The following ZNF777 variants were observed in gnomAD, a reference collection of about 807,000 sequenced individuals.
The protein encoded by ZNF777 is zinc finger protein 777.
Under a neutral mutation model 72.1 loss-of-function variants are expected in ZNF777, and 7 were observed. That is an observed-to-expected ratio of 0.10 (90% CI 0.06 to 0.18). The LOEUF is 0.18. ZNF777 is among the 10% of genes least tolerant of loss of function. The probability of loss-of-function intolerance (pLI) is 1.00; values close to 1 mark genes in which losing one functional copy is unlikely to be tolerated. For synonymous variants in ZNF777, 545 were observed against 483.5 expected (o/e 1.13, Z -1.67); for missense variants, 828 against 1,128.6 (o/e 0.73, Z 3.82).
intron 4 of ZNF777, among the ~76,000 whole-genome samples, chr7:149,447,961 C>T (rs1206555867): frequency 6.6e-6 from 1 of 152,134 alleles, no homozygotes; most frequent in African/African-American, 2.4e-5. Context: ...ACAGTACCTG[C>T]TACCAAAGAG....
chr7:149,446,196 G>A (rs1585696149), intron 4 of ZNF777, among the ~76,000 whole-genome samples: 2 of 152,184 alleles, frequency 1.3e-5, no homozygotes, highest in East Asian at 3.9e-4. Context: ...TGACCAACAT[G>A]GATAAACCCC....
Position 149,431,457 on chromosome 7 carries a change from G to T in ZNF777, c.*319C>A, listed in dbSNP as rs368335922. The T allele has an allele frequency of 9.0e-6, 4 of 443,614 alleles. No homozygotes were observed. The highest frequency in any genetic ancestry group is 1.8e-5 in the Non-Finnish European group (4 of 221,482). 27.5% of individuals were successfully genotyped at this position (443,614 alleles called of 1,614,324 possible). On this transcript the variant is annotated 3_prime_UTR_variant, in exon 6 of 6. Coordinates refer to ENST00000247930, the MANE Select transcript of ZNF777 (RefSeq NM_015694.3). ...TCCCCAACTAGATGGGCCCTACACC[G>T]CCCCTCTGAGTGGCCGGCGGCCAAA...
intron 4 of ZNF777, among the ~76,000 whole-genome samples, chr7:149,447,158 G>C (rs773317043): frequency 5.9e-5 from 9 of 152,102 alleles, no homozygotes; most frequent in African/African-American, 1.9e-4. Context: ...GCCCCATCAT[G>C]AACAACATAT....
chr7:149,459,196 G>A (rs1368827042), intron 1 of ZNF777, among the ~76,000 whole-genome samples: 1 of 152,118 alleles, frequency 6.6e-6, no homozygotes, highest in African/African-American at 2.4e-5. Context: ...CCTCCTTCCT[G>A]TGTACACAAT....
intron 5 of ZNF777, among the ~76,000 whole-genome samples, 194 bp from the exon 6 acceptor site, chr7:149,433,126 G>A (rs922404584): frequency 2.6e-5 from 4 of 152,236 alleles, no homozygotes; most frequent in African/African-American, 9.6e-5. Flanking sequence ...GCGTAACCCA[G>A]ACTGGCCTTG....
chr7:149,440,563 G>C (rs1412931880), intron 4 of ZNF777, among the ~76,000 whole-genome samples: 1 of 151,300 alleles, frequency 6.6e-6, no homozygotes, highest in African/African-American at 2.4e-5. Flanking sequence ...TCCCTATGTT[G>C]CCCAGGTTGG....
In ZNF777 at chr7:149,460,544, C is replaced by CT. The variant is rs1799929721; in HGVS notation, c.-16+270dup. ...GAGCTGCGCTGCCGTCCCGGCGCCT[C>CT]TTTAGCAGGGGAGCTGCACAGCAGC... On this transcript the variant is annotated intron_variant, in intron 1 of 5. Coordinates refer to ENST00000247930, the MANE Select transcript of ZNF777 (RefSeq NM_015694.3). This position sits in a 1 kb window ranked among gnomAD's most constrained non-coding sequence, Gnocchi z 6.1. Among the ~76,000 whole-genome samples, 1 of 151,694 alleles carries CT rather than the reference C, an allele frequency of 6.6e-6. No homozygotes were observed. Among genetic ancestry groups the CT allele is most frequent in the Non-Finnish European group, 1.5e-5 (1 of 67,924 alleles).
chr7:149,454,568 T>C (rs1799783981), intron 2 of ZNF777, among the ~76,000 whole-genome samples: 1 of 152,136 alleles, frequency 6.6e-6, no homozygotes, highest in South Asian at 2.1e-4. Context: ...ACAGTAACAT[T>C]TGAGACATAC....
At chr7:149,443,477 T>C (rs1446956298) in intron 4 of ZNF777, among the ~76,000 whole-genome samples, 2 of 152,222 alleles carry the variant, frequency 1.3e-5, no homozygotes, top group African/African-American at 4.8e-5. Context: ...TATTGCCACA[T>C]TAACTCTCTC....
chr7:149,440,036 G>A (rs556260882), intron 4 of ZNF777, among the ~76,000 whole-genome samples: 9 of 152,212 alleles, frequency 5.9e-5, no homozygotes, highest in African/African-American at 1.7e-4. Flanking sequence ...ATGTAGATGG[G>A]CTGGAAGAAG....
At chr7:149,449,947 G>A (rs1355553202) in intron 4 of ZNF777, among the ~76,000 whole-genome samples, 1 of 152,092 alleles carries the variant, frequency 6.6e-6, no homozygotes, top group Non-Finnish European at 1.5e-5. Flanking sequence ...AGTACATGGG[G>A]CCAACATTAC....
At chr7:149,446,624 C>A (rs576984468) in intron 4 of ZNF777, among the ~76,000 whole-genome samples, 1 of 152,238 alleles carries the variant, frequency 6.6e-6, no homozygotes, top group South Asian at 2.1e-4. Flanking sequence ...CCCACTTCTA[C>A]ATCCTTAATC....
Position 149,442,797 on chromosome 7 carries a change from A to G in ZNF777, c.1088-5971T>C, listed in dbSNP as rs139663257. 8.1e-3 allele frequency among the ~76,000 whole-genome samples: 1,239 copies of G among 152,372 alleles called. 69 individuals are homozygous for G. The highest frequency in any genetic ancestry group is 0.069 in the Admixed American group (1,051 of 15,312). On this transcript the variant is annotated intron_variant, in intron 4 of 5. Transcript: ENST00000247930. ...GAGTAGTAAGACATACTAGTAATCA[A>G]TAAAGGTATGAAAATATGCTCAACA...
At chr7:149,454,871 T>C (rs1274928677) in intron 2 of ZNF777, among the ~76,000 whole-genome samples, 1 of 152,200 alleles carries the variant, frequency 6.6e-6, no homozygotes, top group Non-Finnish European at 1.5e-5. Flanking sequence ...GCACCCTCAG[T>C]GACTGATGGT....
In ZNF777 at chr7:149,450,980, A is replaced by G; in HGVS notation, c.1087+19T>C. On this transcript the variant is annotated intron_variant, in intron 4 of 5. Coordinates refer to ENST00000247930, the MANE Select transcript of ZNF777 (RefSeq NM_015694.3). ...AAAGATCTAGAATGCAGAGCTGCAG[A>G]TCACCCTTAGCCACTCACCAGCACT... 1 of 1,603,374 alleles carries G rather than the reference A, an allele frequency of 6.2e-7. No homozygotes were observed. The highest frequency in any genetic ancestry group is 8.5e-7 in the Non-Finnish European group (1 of 1,171,356).
intron 4 of ZNF777, among the ~76,000 whole-genome samples, chr7:149,449,204 G>A (rs12538692): frequency 0.5 from 75,681 of 152,062 alleles, 19,285 homozygotes; most frequent in East Asian, 0.77. Context: ...GAGGGGCAGC[G>A]GTACCTATGT....
At chr7:149,450,854 C>G in intron 4 of ZNF777, 145 bp downstream of exon 4, 1 of 638,738 alleles carries the variant, frequency 1.6e-6, no homozygotes, top group East Asian at 2.9e-5. Context: ...CATGGCACTC[C>G]AAAGCAGGTC....
In ZNF777 at chr7:149,432,738, C is replaced by A. The variant is rs17852167; in HGVS notation, c.1534G>T (p.Ala512Ser). The change falls in exon 6 of 6, where the codon GCA becomes TCA. Residue 512 changes from alanine (A) to serine (S), a missense_variant. Physicochemically the swap from Ala to Ser is moderately conservative, Grantham distance 99 (BLOSUM62 1). Coordinates refer to ENST00000247930, the MANE Select transcript of ZNF777 (RefSeq NM_015694.3). Reference protein sequence around the residue: ...SPPPLQLGNPAVKRLAPSVHG... With the variant: ...SPPPLQLGNPSVKRLAPSVHG... ...ACGGAGGGCGCCAGCCTTTTCACTG[C>A]GGGGTTTCCTAGCTGCAGGGGCGGG... The A allele has an allele frequency of 1.0e-4, 168 of 1,611,640 alleles. 1 individual carries two copies. The African/African-American group carries it at 2.1e-3, about 20-fold the overall frequency.
chr7:149,458,683 G>A (rs1336395275), intron 1 of ZNF777, among the ~76,000 whole-genome samples: 1 of 152,166 alleles, frequency 6.6e-6, no homozygotes, highest in African/African-American at 2.4e-5. Context: ...GACTGTAGAG[G>A]GGCCACAGGA....
Sources: gnomAD v4.1 joint callset for allele counts (sites outside exome capture counted in the v4.1 genomes callset) on GRCh38, gnomAD v4.1.1 for gene constraint, Gnocchi (gnomAD v3.1) non-coding constraint, MANE v1.5 for transcripts, NCBI Gene and HGNC (gene_info 2026-07-23, HGNC 2026-07-21) for gene names.